MCMDC2: variants seen among roughly 807,000 people sequenced by gnomAD.
The protein encoded by MCMDC2 is minichromosome maintenance domain containing 2.
Under a neutral mutation model 75.8 loss-of-function variants are expected in MCMDC2, and 54 were observed. That is an observed-to-expected ratio of 0.71 (90% CI 0.57 to 0.89). MCMDC2 has a LOEUF of 0.89. Among genes scored for constraint, MCMDC2 ranks in the 40% least tolerant of loss-of-function variants. The pLI, the probability that MCMDC2 is intolerant of heterozygous loss-of-function variation, is 0.00. For missense variants in MCMDC2, 656 were observed against 780.4 expected (o/e 0.84, Z 1.90); for synonymous variants, 249 against 274.6 (o/e 0.91, Z 0.92).
chr8:66,886,737 T>C (rs1415158188), intron 9 of MCMDC2, among the ~76,000 whole-genome samples: 1 of 150,044 alleles, frequency 6.7e-6, no homozygotes, highest in Non-Finnish European at 1.5e-5. Flanking sequence ...ATAGTGCCAC[T>C]GCACTCCAGC....
chr8:66,881,324 G>C (rs1434700377), intron 8 of MCMDC2, among the ~76,000 whole-genome samples: 2 of 152,202 alleles, frequency 1.3e-5, no homozygotes, highest in Non-Finnish European at 2.9e-5. Flanking sequence ...ATTAGTCAAA[G>C]GATTTTTCTA....
At chr8:66,911,558 T>C (rs530345210) in intron 14 of MCMDC2, among the ~76,000 whole-genome samples, 1 of 152,278 alleles carries the variant, frequency 6.6e-6, no homozygotes, top group Admixed American at 6.5e-5. Context: ...GCGTGGTGGC[T>C]CACGCCTGTA....
rs1256195008 is a variant in MCMDC2 at position 66,872,893 on chromosome 8, A to G, written c.-88-1160A>G. On this transcript the variant is annotated intron_variant, in intron 1 of 14. Transcript: ENST00000422365. ...GAATCGTTTGAACCCAGGGGTGGAG[A>G]CTGGAGTGAGCCAAGATAGTGCCAC... Among the ~76,000 whole-genome samples the G allele has an allele frequency of 4.8e-5, 7 of 146,998 alleles. No individual in the cohort carries two copies. The Admixed American group carries it at 4.9e-4, about 10-fold the overall frequency.
rs115549767 is a variant in MCMDC2 at position 66,877,355 on chromosome 8, A to G, written c.292A>G (p.Ile98Val). Residue 98 changes from isoleucine to valine, a missense_variant, in exon 5 of 15, where the codon ATA (isoleucine) becomes GTA (valine). Ile to Val is a conservative substitution (Grantham distance 29, BLOSUM62 3). Coordinates refer to ENST00000422365, the MANE Select transcript of MCMDC2 (RefSeq NM_173518.5). Reference sequence around the variant, plus strand: ...ATTTTTATGTTCTTATTAGATTAATATAGTGCTGAAATTAACACATTTACC... The same window carrying G: ...ATTTTTATGTTCTTATTAGATTAATGTAGTGCTGAAATTAACACATTTACC... ...GQLQTETQIN[I>V]VLKLTHLPPL... The G allele has an allele frequency of 8.0e-4, 1,281 of 1,600,640 alleles. 7 individuals are homozygous for G. The African/African-American group carries it at 0.016, about 19-fold the overall frequency.
chr8:66,911,965 C>T (rs1813139427), intron 14 of MCMDC2, among the ~76,000 whole-genome samples: 1 of 152,174 alleles, frequency 6.6e-6, no homozygotes, highest in South Asian at 2.1e-4. Context: ...GCCCCTGGAT[C>T]AAGAAGTAAT....
chr8:66,909,821 A>G (rs111432685), intron 14 of MCMDC2, among the ~76,000 whole-genome samples: 10,801 of 152,284 alleles, frequency 0.071, 681 homozygotes, highest in East Asian at 0.32. Flanking sequence ...CCAAATGTTA[A>G]TCACCAAGAC....
chr8:66,919,946 C>T lies in MCMDC2; in HGVS notation c.*777C>T, dbSNP rs1451470623. 9 of 152,288 alleles carry T rather than the reference C, an allele frequency of 5.9e-5. No individual in the cohort carries two copies. The highest frequency in any genetic ancestry group is 1.9e-4 in the East Asian group (1 of 5,186). The allele number at this position is 152,288 out of a possible 1,614,324, so 9.4% of individuals were successfully genotyped here. Reference sequence around the variant, plus strand: ...AAAAGATAGGGGCACCATGAGAAAACAAATCCATCTTGTAAAATTTATAAA... The same window carrying T: ...AAAAGATAGGGGCACCATGAGAAAATAAATCCATCTTGTAAAATTTATAAA... On this transcript the variant is annotated 3_prime_UTR_variant, in exon 15 of 15. Transcript: ENST00000422365.
chr8:66,870,794 C>T lies in MCMDC2; in HGVS notation c.-126C>T, dbSNP rs1810973424. The T allele has an allele frequency of 1.3e-5, 2 of 152,240 alleles. No homozygotes were observed. The highest frequency in any genetic ancestry group is 4.1e-4 in the South Asian group (2 of 4,836). 9.4% of individuals were successfully genotyped at this position (152,240 alleles called of 1,614,324 possible). ...CTAGGACTCCGCTCCGCCTACGCTG[C>T]AGGCGGAGAGCAACCGCCAAGCTTG... is the stretch of plus-strand genomic sequence containing the variant. On this transcript the variant is annotated 5_prime_UTR_variant, in exon 1 of 15. Coordinates refer to ENST00000422365, the MANE Select transcript of MCMDC2 (RefSeq NM_173518.5).
At position 66,874,354 on chromosome 8, in the gene MCMDC2, A is replaced by G. The variant is rs371777287; in HGVS notation, c.123A>G (p.Arg41=). The part of the protein sequence containing the change: ...NDSKQSYAVY[R]FKILINPSDV... ...CAAAACAAAGCTATGCTGTCTATCGATTCAAAATTTTAATAAATCCCTCTG... is the reference window on the plus strand; with the variant it reads ...CAAAACAAAGCTATGCTGTCTATCGGTTCAAAATTTTAATAAATCCCTCTG... Residue 41 remains arginine (R), a synonymous_variant, in exon 3 of 15, where the codon CGA becomes CGG. Coordinates refer to ENST00000422365, the MANE Select transcript of MCMDC2 (RefSeq NM_173518.5). The G allele has an allele frequency of 6.2e-7, 1 of 1,612,796 alleles. No homozygotes were observed. The highest frequency in any genetic ancestry group is 1.3e-5 in the African/African-American group (1 of 74,888).
downstream of MCMDC2, among the ~76,000 whole-genome samples, chr8:66,924,178 C>T (rs1813650003): frequency 6.6e-6 from 1 of 152,002 alleles, no homozygotes; most frequent in Admixed American, 6.6e-5. Flanking sequence ...ATTCAAGCTA[C>T]TGAAGCCTCA....
At chr8:66,907,078 T>C (rs1407016868) in intron 14 of MCMDC2, among the ~76,000 whole-genome samples, 1 of 152,144 alleles carries the variant, frequency 6.6e-6, no homozygotes, top group African/African-American at 2.4e-5. Context: ...TATTTTTTTT[T>C]TCTCTTTAAG....
At chr8:66,908,113 CTTTTGGTGT>C (rs761393571) in intron 14 of MCMDC2, among the ~76,000 whole-genome samples, 6 of 152,110 alleles carry the variant, frequency 3.9e-5, no homozygotes, top group Non-Finnish European at 8.8e-5. Flanking sequence ...GTTGCAATTG[CTTTTGGTGT>C]TTTAGTCATG....
At chr8:66,887,892 G>A (rs1811918922) in intron 9 of MCMDC2, among the ~76,000 whole-genome samples, 1 of 152,084 alleles carries the variant, frequency 6.6e-6, no homozygotes, top group Non-Finnish European at 1.5e-5. Context: ...AAATTGAACT[G>A]GATGTAAATC....
chr8:66,917,663 G>A (rs558586433), intron 14 of MCMDC2, among the ~76,000 whole-genome samples: 2 of 152,074 alleles, frequency 1.3e-5, no homozygotes, highest in African/African-American at 4.8e-5. Flanking sequence ...TCATACATTT[G>A]TCCTTTCATA....
rs1305870393 is a variant in MCMDC2 at position 66,920,664 on chromosome 8, G to C, written c.*1495G>C. ...ACACATTCCTATTTTATAAAACTAGGATCCTTTTACAATTGGAAAGTTTAA... is the reference window on the plus strand; with the variant it reads ...ACACATTCCTATTTTATAAAACTAGCATCCTTTTACAATTGGAAAGTTTAA... On this transcript the variant is annotated 3_prime_UTR_variant, in exon 15 of 15. Transcript: ENST00000422365. The C allele has an allele frequency of 6.6e-6, 1 of 152,064 alleles. No homozygotes were observed. Among genetic ancestry groups the C allele is most frequent in the Non-Finnish European group, 1.5e-5 (1 of 68,026 alleles). 9.4% of individuals were successfully genotyped at this position (152,064 alleles called of 1,614,324 possible). A position where few individuals can be genotyped will look rare whatever the true frequency, so the allele number is the denominator to read the frequency against.
intron 10 of MCMDC2, among the ~76,000 whole-genome samples, chr8:66,891,882 G>T (rs971893819): frequency 5.9e-5 from 9 of 152,218 alleles, no homozygotes; most frequent in African/African-American, 1.7e-4. Context: ...ATGCAAGGCT[G>T]TAGCTGGAAC....
chr8:66,924,444 T>A (rs545731352), downstream of MCMDC2, among the ~76,000 whole-genome samples: 3 of 152,062 alleles, frequency 2.0e-5, no homozygotes, highest in East Asian at 5.8e-4. Flanking sequence ...AAGACCAGCC[T>A]GGCCAGATGG....
chr8:66,893,710 C>A (rs1812218212), intron 10 of MCMDC2, among the ~76,000 whole-genome samples: 2 of 152,160 alleles, frequency 1.3e-5, no homozygotes, highest in African/African-American at 2.4e-5. Context: ...ACAGAGCCAA[C>A]CCATATCAGA....
intron 14 of MCMDC2, among the ~76,000 whole-genome samples, chr8:66,916,413 T>C (rs1445803795): frequency 1.3e-5 from 2 of 152,022 alleles, no homozygotes; most frequent in African/African-American, 4.8e-5. Context: ...ATAATAGTTA[T>C]TGTGGGGGCT....
Sources: allele counts gnomAD v4.1 joint callset (sites outside exome capture counted in the v4.1 genomes callset), GRCh38; gene constraint gnomAD v4.1.1; transcripts MANE v1.5; gene names NCBI Gene and HGNC (gene_info 2026-07-23, HGNC 2026-07-21).